The following KCNQ5 variants were observed in gnomAD, a reference collection of about 807,000 sequenced individuals.
The protein encoded by KCNQ5 is potassium voltage-gated channel subfamily Q member 5.
In KCNQ5, 30 loss-of-function variants were observed where a neutral mutation model predicts 98.2. That is an observed-to-expected ratio of 0.31 (90% CI 0.23 to 0.41). KCNQ5 has a LOEUF of 0.41. Ranked by LOEUF, KCNQ5 falls within the 10% of genes least tolerant of loss-of-function variation. The pLI is 1.00. For synonymous variants in KCNQ5, 458 were observed against 449.4 expected, an observed-to-expected ratio of 1.02 and a Z score of -0.24; for missense variants, 835 against 1,182.5, an observed-to-expected ratio of 0.71 and a Z score of 4.31.
At chr6:72,844,968 A>C (rs1306419187) in intron 1 of KCNQ5, among the ~76,000 whole-genome samples, 1 of 152,212 alleles carries the variant, frequency 6.6e-6, no homozygotes, top group Non-Finnish European at 1.5e-5. Context: ...GAAACTTTCC[A>C]AAGGCTCCTA....
rs1382548306 is a variant in KCNQ5 at position 73,192,635 on chromosome 6, C to T, written c.1780C>T (p.His594Tyr). The stretch of plus-strand genomic sequence containing the variant: ...GAGCCGAGAGAAAATAACAGCAGAA[C>T]ATGAGACCACAGACGATCTCAGTAT... The part of the protein sequence containing the change: ...KKSREKITAE[H>Y]ETTDDLSMLG... The change falls in exon 13 of 14, where the codon CAT becomes TAT. Residue 594 changes from histidine to tyrosine, a missense_variant. By Grantham distance (83) the His-to-Tyr change is moderately conservative (BLOSUM62 2). Coordinates refer to ENST00000370398, the MANE Select transcript of KCNQ5 (RefSeq NM_019842.4). 2.5e-6 allele frequency: 4 copies of T among 1,612,486 alleles called. No individual in the cohort carries two copies. The highest frequency in any genetic ancestry group is 2.5e-6 in the Non-Finnish European group (3 of 1,179,294).
At chr6:72,708,224 C>T (rs550948262) in intron 1 of KCNQ5, among the ~76,000 whole-genome samples, 1 of 151,982 alleles carries the variant, frequency 6.6e-6, no homozygotes, top group East Asian at 1.9e-4. Flanking sequence ...TTAATTGCAA[C>T]AAAATGACAA....
At chr6:73,179,387 G>T (rs1382861690) in intron 11 of KCNQ5, among the ~76,000 whole-genome samples, 1 of 152,056 alleles carries the variant, frequency 6.6e-6, no homozygotes, top group Non-Finnish European at 1.5e-5. Flanking sequence ...AAAACCACCA[G>T]TTCCTCTCTC....
At chr6:72,681,979 G>C (rs1767732561) in intron 1 of KCNQ5, among the ~76,000 whole-genome samples, 1 of 152,176 alleles carries the variant, frequency 6.6e-6, no homozygotes, top group Admixed American at 6.5e-5. Context: ...CCCAGGACTT[G>C]AGGATTTCCT....
intron 1 of KCNQ5, among the ~76,000 whole-genome samples, chr6:72,979,818 T>G (rs2150295340): frequency 1.3e-5 from 2 of 152,336 alleles, no homozygotes; most frequent in African/African-American, 4.8e-5. Flanking sequence ...GGTCTAACAT[T>G]TAAGTCTTTG....
chr6:73,155,619 C>T (rs1179396044), intron 10 of KCNQ5, among the ~76,000 whole-genome samples: 1 of 152,252 alleles, frequency 6.6e-6, no homozygotes, highest in East Asian at 1.9e-4. Context: ...GTTTAAGTTT[C>T]CATCTATGCT....
chr6:72,862,391 C>T (rs1360175886), intron 1 of KCNQ5, among the ~76,000 whole-genome samples: 1 of 152,192 alleles, frequency 6.6e-6, no homozygotes, highest in Non-Finnish European at 1.5e-5. Context: ...GGGGCACTAG[C>T]AAATAACTTG....
chr6:72,690,123 A>G (rs1385461971), intron 1 of KCNQ5, among the ~76,000 whole-genome samples: 2 of 152,052 alleles, frequency 1.3e-5, no homozygotes, highest in African/African-American at 4.8e-5. Flanking sequence ...AAATATAAAA[A>G]TTAGCTGGGT....
At chr6:73,098,856 T>G (rs1165606419) in intron 5 of KCNQ5, among the ~76,000 whole-genome samples, 5 of 152,112 alleles carry the variant, frequency 3.3e-5, no homozygotes, top group African/African-American at 1.2e-4. Flanking sequence ...AAACAGAATA[T>G]TATAGCACTA....
At chr6:73,182,868 A>G (rs1778449047) in intron 11 of KCNQ5, among the ~76,000 whole-genome samples, 1 of 152,246 alleles carries the variant, frequency 6.6e-6, no homozygotes, top group South Asian at 2.1e-4. Flanking sequence ...ACTGATGTAT[A>G]TATCCTACAA....
At chr6:73,037,514 G>T (rs184944300) in intron 2 of KCNQ5, among the ~76,000 whole-genome samples, 1 of 152,064 alleles carries the variant, frequency 6.6e-6, no homozygotes, top group African/African-American at 2.4e-5. Context: ...TTAAACCCGT[G>T]GTCCATTTTT....
At chr6:72,752,472 A>G (rs1437486446) in intron 1 of KCNQ5, among the ~76,000 whole-genome samples, 1 of 152,114 alleles carries the variant, frequency 6.6e-6, no homozygotes, top group Non-Finnish European at 1.5e-5. Context: ...TAACAACTAT[A>G]TCTCAAGGTA....
intron 1 of KCNQ5, among the ~76,000 whole-genome samples, chr6:72,994,562 C>T (rs1489819304): frequency 6.8e-6 from 1 of 148,138 alleles, no homozygotes; most frequent in Admixed American, 6.7e-5. Context: ...CACTGTCTGG[C>T]ACTCCCTAGT....
intron 1 of KCNQ5, among the ~76,000 whole-genome samples, chr6:72,827,497 A>G (rs2150120236): frequency 6.6e-6 from 1 of 152,208 alleles, no homozygotes; most frequent in South Asian, 2.1e-4. Context: ...AAGCATTTTT[A>G]AATACATTTG....
chr6:72,967,091 A>T (rs1287146538), intron 1 of KCNQ5, among the ~76,000 whole-genome samples: 1 of 152,230 alleles, frequency 6.6e-6, no homozygotes, highest in Non-Finnish European at 1.5e-5. Flanking sequence ...GCTGTGACAA[A>T]GGAGAAGGTC....
intron 1 of KCNQ5, among the ~76,000 whole-genome samples, chr6:72,737,586 C>T (rs1770916224): frequency 6.6e-6 from 1 of 151,994 alleles, no homozygotes; most frequent in Non-Finnish European, 1.5e-5. Context: ...CGAATTTTGG[C>T]TCATTAGTAG....
At chr6:72,932,263 T>TGC (rs1765724080) in intron 1 of KCNQ5, among the ~76,000 whole-genome samples, 1 of 151,954 alleles carries the variant, frequency 6.6e-6, no homozygotes, top group South Asian at 2.1e-4. Flanking sequence ...TGTGTGTGTG[T>TGC]GCGTGTGTGC....
chr6:72,709,062 T>A (rs1349962282), intron 1 of KCNQ5, among the ~76,000 whole-genome samples: 3 of 152,208 alleles, frequency 2.0e-5, no homozygotes, highest in African/African-American at 7.2e-5. Context: ...ATCAGTTTTG[T>A]TGAACTCCTG....
chr6:72,962,182 A>AACAT (rs1767387825), intron 1 of KCNQ5, among the ~76,000 whole-genome samples: 1 of 129,284 alleles, frequency 7.7e-6, no homozygotes, highest in South Asian at 2.5e-4. Context: ...TGTTTCTCTA[A>AACAT]ATATATATAT....
Sources: gnomAD v4.1 joint callset for allele counts (sites outside exome capture counted in the v4.1 genomes callset) on GRCh38, gnomAD v4.1.1 for gene constraint, MANE v1.5 for transcripts, NCBI Gene and HGNC (gene_info 2026-07-23, HGNC 2026-07-21) for gene names.